WDR36: variants seen among roughly 807,000 people sequenced by gnomAD.
The protein encoded by WDR36 is WD repeat domain 36, also known as WD repeat-containing protein 36.
A neutral mutation model predicts 112.7 loss-of-function variants in WDR36; 63 were observed. The ratio of observed to expected loss-of-function variants is 0.56; its 90% CI spans 0.46 to 0.69. The LOEUF (loss-of-function observed/expected upper bound fraction) is 0.69, where lower values mean the gene tolerates loss of function less well. Among genes scored for constraint, WDR36 ranks in the 30% least tolerant of loss-of-function variants. The probability of loss-of-function intolerance (pLI) is 0.00; values close to 1 mark genes in which losing one functional copy is unlikely to be tolerated. For missense variants in WDR36, 1,226 were observed against 1,070.3 expected, an observed-to-expected ratio of 1.15 and a Z score of -2.03; for synonymous variants, 410 against 362.2, an observed-to-expected ratio of 1.13 and a Z score of -1.50.
intron 8 of WDR36, among the ~76,000 whole-genome samples, 170 bp downstream of exon 8, chr5:111,104,522 C>T (rs997851078): frequency 4.0e-5 from 6 of 151,630 alleles, no homozygotes; most frequent in Admixed American, 2.6e-4. Flanking sequence ...TGCAGTGAAG[C>T]GGGAAAGAAT....
At position 111,120,530 on chromosome 5, in the gene WDR36, C is replaced by T. The variant is rs199938968; in HGVS notation, c.1939C>T (p.Arg647Trp). ...NISLYSVVSL[R>W]PLPADYVPSI... ...TTCCCTGTATTCAGTTGTTTCATTA[C>T]GGCCACTTCCTGCAGATTATGTCCC... The change falls in exon 18 of 23, where the codon CGG becomes TGG. Residue 647 changes from arginine (R) to tryptophan (W), a missense_variant. By Grantham distance (101) the Arg-to-Trp change is moderately radical. Coordinates refer to ENST00000513710, the MANE Select transcript of WDR36 (RefSeq NM_139281.3). 3.5e-5 allele frequency: 56 copies of T among 1,612,896 alleles called. No individual in the cohort carries two copies. The highest frequency in any genetic ancestry group is 4.5e-5 in the Non-Finnish European group (53 of 1,179,218).
At chr5:111,105,557 A>AC (rs1431210292) in intron 10 of WDR36, among the ~76,000 whole-genome samples, 197 bp downstream of exon 10, 1 of 151,620 alleles carries the variant, frequency 6.6e-6, no homozygotes, top group Non-Finnish European at 1.5e-5. Context: ...AAGGTTATTG[A>AC]AAAAAGTTAG....
intron 17 of WDR36, 140 bp downstream of exon 17, chr5:111,119,260 C>T (rs1249302202): frequency 6.8e-6 from 5 of 736,838 alleles, no homozygotes; most frequent in Non-Finnish European, 1.2e-5. Context: ...ACTTAATTCA[C>T]TGTAAGTCTG....
At position 111,092,447 on chromosome 5, in the gene WDR36, C is replaced by A. The variant is rs975336519; in HGVS notation, c.-10C>A. ...GACCAGAGCTGAGAGGAGCTGGGAT[C>A]GCGGCGGCAATGGAACGGGCCTCAG... On this transcript the variant is annotated 5_prime_UTR_variant, in exon 1 of 23. Transcript: ENST00000513710. 6 of 1,614,092 alleles carry A rather than the reference C, an allele frequency of 3.7e-6. No homozygotes were observed. Among genetic ancestry groups the A allele is most frequent in the Non-Finnish European group, 5.1e-6 (6 of 1,180,050 alleles).
rs1348771911 is a variant in WDR36, at chr5:111,092,672, A to G, written c.162+54A>G. On this transcript the variant is annotated intron_variant, in intron 1 of 22. Transcript: ENST00000513710. The stretch of plus-strand genomic sequence containing the variant: ...GGAAAACCACCCTCCTTGGCCTCTA[A>G]CTCTGTCCTGGAGCAGTCCGGTTCT... The G allele has an allele frequency of 3.2e-6, 5 of 1,564,638 alleles. No individual in the cohort carries two copies. In the African/African-American group the frequency reaches 6.7e-5, roughly 21 times the overall value.
intron 13 of WDR36, 151 bp downstream of exon 13, chr5:111,110,454 T>C (rs1753308118): frequency 1.4e-6 from 1 of 714,418 alleles, no homozygotes; most frequent in South Asian, 1.6e-5. Flanking sequence ...TGCAATTGTA[T>C]CATAAGGACC....
At chr5:111,112,983 A>G (rs1441279282) in intron 15 of WDR36, 91 bp from the exon 16 acceptor site, 2 of 265,398 alleles carry the variant, frequency 7.5e-6, no homozygotes, top group African/African-American at 4.7e-5. Context: ...TGTTAACTAT[A>G]TATACATACA....
rs1429809826 is a variant in WDR36, at chr5:111,128,115, C to A, written c.*1232C>A. 5.2e-6 allele frequency: 1 copy of A among 192,500 alleles called. No homozygotes were observed. The highest frequency in any genetic ancestry group is 8.1e-5 in the East Asian group (1 of 12,314). The allele number at this position is 192,500 out of a possible 1,614,324, so 11.9% of individuals were successfully genotyped here. A position where few individuals can be genotyped will look rare whatever the true frequency, so the allele number is the denominator to read the frequency against. On this transcript the variant is annotated 3_prime_UTR_variant, in exon 23 of 23. Transcript: ENST00000513710. The stretch of plus-strand genomic sequence containing the variant: ...TTGCAATACATGAATTAAAAATAAG[C>A]AGTTCTTTAAAGCATAGCGCTCTAA...
intron 21 of WDR36, 31 bp downstream of exon 21, chr5:111,124,220 T>C (rs778216864): frequency 4.6e-6 from 7 of 1,534,390 alleles, no homozygotes; most frequent in South Asian, 2.3e-5. Context: ...TTTTAACTAA[T>C]ATATTTAGCT....
In WDR36 at chr5:111,128,548, G is replaced by A. The variant is rs1326798746; in HGVS notation, c.*1665G>A. The A allele has an allele frequency of 5.6e-6, 1 of 178,448 alleles. No homozygotes were observed. Among genetic ancestry groups the A allele is most frequent in the African/African-American group, 2.4e-5 (1 of 42,468 alleles). 11.1% of individuals were successfully genotyped at this position (178,448 alleles called of 1,614,324 possible). On this transcript the variant is annotated 3_prime_UTR_variant, in exon 23 of 23. Coordinates refer to ENST00000513710, the MANE Select transcript of WDR36 (RefSeq NM_139281.3). ...ATCCCAATATATAATTCTATACCTA[G>A]TAAAGATTGTAAATAACTAAAACAA...
chr5:111,099,310 T>C (rs1250339784), intron 4 of WDR36, among the ~76,000 whole-genome samples: 2 of 152,098 alleles, frequency 1.3e-5, no homozygotes, highest in African/African-American at 4.8e-5. Flanking sequence ...TATGGGATTA[T>C]GTATCTTTAA....
Position 111,128,050 on chromosome 5 carries a change from CTCA to C in WDR36, c.*1175_*1177del, listed in dbSNP as rs1264420568. The C allele has an allele frequency of 5.3e-6, 1 of 187,368 alleles. No individual in the cohort carries two copies. Among genetic ancestry groups the C allele is most frequent in the African/African-American group, 2.4e-5 (1 of 41,978 alleles). The allele number at this position is 187,368 out of a possible 1,614,324, so 11.6% of individuals were successfully genotyped here. The stretch of plus-strand genomic sequence containing the variant: ...GGTAGCCCTGGAGTTTTCTTTTTTT[CTCA>C]TCATCATTGTTTTGTTTTTTTTATG... On this transcript the variant is annotated 3_prime_UTR_variant, in exon 23 of 23. Transcript: ENST00000513710.
intron 11 of WDR36, among the ~76,000 whole-genome samples, 189 bp downstream of exon 11, chr5:111,106,332 T>C (rs563877638): frequency 6.6e-6 from 1 of 151,686 alleles, no homozygotes; most frequent in Admixed American, 6.6e-5. Flanking sequence ...ACTTCTTATC[T>C]ATTAACATCA....
chr5:111,101,623 A>G (rs562512064), intron 5 of WDR36, among the ~76,000 whole-genome samples: 106 of 152,002 alleles, frequency 7.0e-4, no homozygotes, highest in African/African-American at 2.5e-3. Flanking sequence ...ACTTCTTTGT[A>G]TAGCATTTTA....
At chr5:111,102,589 A>G (rs1426361279) in intron 6 of WDR36, among the ~76,000 whole-genome samples, 190 bp downstream of exon 6, 2 of 151,760 alleles carry the variant, frequency 1.3e-5, no homozygotes, top group Admixed American at 6.6e-5. Context: ...CTTTGCCAAT[A>G]ACACTTATTG....
Position 111,113,050 on chromosome 5 carries a change from A to ATTT in WDR36, c.1717-23_1717-22insTTT, listed in dbSNP as rs200556973. 56 of 467,244 alleles carry ATTT rather than the reference A, an allele frequency of 1.2e-4. No individual in the cohort carries two copies. In the African/African-American group the frequency reaches 1.4e-3, roughly 12 times the overall value. 28.9% of individuals were successfully genotyped at this position (467,244 alleles called of 1,614,324 possible). A position where few individuals can be genotyped will look rare whatever the true frequency, so the allele number is the denominator to read the frequency against. On this transcript the variant is annotated intron_variant, in intron 15 of 22. Coordinates refer to ENST00000513710, the MANE Select transcript of WDR36 (RefSeq NM_139281.3). ...ATATATAAATAATATATATATATAT[A>ATTT]TATTTTTTTTTTTTAATTTAAAGGC...
chr5:111,105,989 T>TCTTTTATATACA, intron 10 of WDR36, 68 bp from the exon 11 acceptor site: 1 of 1,249,782 alleles, frequency 8.0e-7, no homozygotes, highest in Non-Finnish European at 1.2e-6. Context: ...TGATAGCTTT[T>TCTTTTATATACA]CTTTTATATA....
chr5:111,097,843 T>C (rs780538760), intron 3 of WDR36, among the ~76,000 whole-genome samples: 4 of 152,174 alleles, frequency 2.6e-5, no homozygotes, highest in Non-Finnish European at 5.9e-5. Flanking sequence ...TGGAGTGAGG[T>C]GGTTCCCACA....
At position 111,129,608 on chromosome 5, in the gene WDR36, T is replaced by C. The variant is rs1580408574; in HGVS notation, c.*2725T>C. Reference sequence around the variant, plus strand: ...TTGTTAGGAGTTCTCTTGTATTTTCTGTATTTTATGTCTGTTGCCAATGTT... The same window carrying C: ...TTGTTAGGAGTTCTCTTGTATTTTCCGTATTTTATGTCTGTTGCCAATGTT... On this transcript the variant is annotated 3_prime_UTR_variant, in exon 23 of 23. Transcript: ENST00000513710. The C allele has an allele frequency of 4.9e-6, 1 of 205,666 alleles. No homozygotes were observed. The highest frequency in any genetic ancestry group is 7.5e-5 in the East Asian group (1 of 13,388). 12.7% of individuals were successfully genotyped at this position (205,666 alleles called of 1,614,324 possible). A position where few individuals can be genotyped will look rare whatever the true frequency, so the allele number is the denominator to read the frequency against.
Sources: gnomAD v4.1 joint callset for allele counts (sites outside exome capture counted in the v4.1 genomes callset) on GRCh38, gnomAD v4.1.1 for gene constraint, MANE v1.5 for transcripts, NCBI Gene and HGNC (gene_info 2026-07-23, HGNC 2026-07-21) for gene names.